The following VMP1 variants were observed in gnomAD, a reference collection of about 807,000 sequenced individuals.
VMP1 encodes ectopic P-granules autophagy protein 3 homolog.
A neutral mutation model predicts 56.0 loss-of-function variants in VMP1; 11 were observed. The observed-to-expected ratio is 0.20, with a 90% CI of 0.12 to 0.32. The LOEUF is 0.32. Among genes scored for constraint, VMP1 ranks in the 10% least tolerant of loss-of-function variants. VMP1 has a pLI of 1.00. For synonymous variants in VMP1, 149 were observed against 165.0 expected (o/e 0.90, Z 0.74); for missense variants, 296 against 490.3 (o/e 0.60, Z 3.74).
At chr17:59,789,835 C>CTTTTTTTTTTTTTTTTT (rs754631557) in intron 7 of VMP1, among the ~76,000 whole-genome samples, 1 of 85,964 alleles carries the variant, frequency 1.2e-5, no homozygotes, top group African/African-American at 4.8e-5. Flanking sequence ...CTTTCTTTCC[C>CTTTTTTTTTTTTTTTTT]TTTTTTTTTT....
intron 1 of VMP1, among the ~76,000 whole-genome samples, chr17:59,714,976 C>A (rs1438612594): frequency 6.6e-6 from 1 of 152,160 alleles, no homozygotes; most frequent in Non-Finnish European, 1.5e-5. Flanking sequence ...ACCGCTGTGC[C>A]TGGCCTATTT....
chr17:59,763,904 T>A (rs2036144246), intron 5 of VMP1, among the ~76,000 whole-genome samples: 1 of 152,200 alleles, frequency 6.6e-6, no homozygotes, highest in Non-Finnish European at 1.5e-5. Flanking sequence ...AAAGTATTTA[T>A]CTTCATAATA....
At chr17:59,739,221 T>C (rs796228613) in intron 5 of VMP1, among the ~76,000 whole-genome samples, 2 of 152,244 alleles carry the variant, frequency 1.3e-5, no homozygotes, top group African/African-American at 4.8e-5. Flanking sequence ...CTTTTCTTTC[T>C]AGATTTAATT....
rs556524746 is a variant in VMP1 at position 59,745,566 on chromosome 17, A to G, written c.414+6619A>G. Among the ~76,000 whole-genome samples, 36 of 152,332 alleles carry G rather than the reference A, an allele frequency of 2.4e-4. 2 individuals are homozygous for G. Among genetic ancestry groups the G allele is most frequent in the African/African-American group, 8.4e-4 (35 of 41,574 alleles). ...TTCTTGCTGATTAGTGATCAACAGA[A>G]TTTTATCCTTATTGGTCACCATTTC... On this transcript the variant is annotated intron_variant, in intron 5 of 11. Transcript: ENST00000262291.
At chr17:59,710,048 T>C (rs1035317140) in intron 1 of VMP1, among the ~76,000 whole-genome samples, 36 of 151,888 alleles carry the variant, frequency 2.4e-4, no homozygotes, top group Non-Finnish European at 3.7e-4. Context: ...ATACAAAAAA[T>C]TAGCCGGGCG....
Position 59,814,215 on chromosome 17 carries a change from G to A in VMP1, c.912+2429G>A, listed in dbSNP as rs191401291. Among the ~76,000 whole-genome samples, 216 of 152,318 alleles carry A rather than the reference G, an allele frequency of 1.4e-3. 1 individual carries two copies. Among genetic ancestry groups the A allele is most frequent in the African/African-American group, 5.1e-3 (214 of 41,568 alleles). ...GCTGGTCTCGAACTCCTGACCTCAT[G>A]ATCTGCCCGCCTTGGCCTCCCAAAG... is the stretch of plus-strand genomic sequence containing the variant. On this transcript the variant is annotated intron_variant, in intron 9 of 11. Transcript: ENST00000262291.
intron 7 of VMP1, among the ~76,000 whole-genome samples, chr17:59,778,540 CAAA>C (rs58638800): frequency 1.1e-4 from 13 of 119,592 alleles, no homozygotes; most frequent in Admixed American, 3.5e-4. Flanking sequence ...GACTCTGTCT[CAAA>C]AAAAAAAAAA....
intron 9 of VMP1, among the ~76,000 whole-genome samples, 155 bp from the exon 10 acceptor site, chr17:59,817,556 TG>T (rs1312926316): frequency 1.3e-5 from 2 of 151,892 alleles, no homozygotes; most frequent in Non-Finnish European, 2.9e-5. Flanking sequence ...TTCACCATGT[TG>T]GACAGGATGG....
At chr17:59,734,902 C>T (rs1367759867) in intron 2 of VMP1, among the ~76,000 whole-genome samples, 6 of 72,286 alleles carry the variant, frequency 8.3e-5, no homozygotes, top group Non-Finnish European at 1.2e-4. Context: ...GACTGGTTGC[C>T]TTTTTTTTTT....
In VMP1 at chr17:59,738,845, A is replaced by G. The variant is rs2035108105; in HGVS notation, c.312A>G (p.Gln104=). 6.2e-7 allele frequency: 1 copy of G among 1,611,312 alleles called. No homozygotes were observed. ...TCATCCCTTTTTTTCAGTATGTGCA[A>G]CGTATAGAGAAACAGTTTCTTTTGT... The part of the protein sequence containing the change: ...YVEGVHQQYV[Q]RIEKQFLLYA... Residue 104 remains glutamine, a synonymous_variant, in exon 5 of 12, where the codon CAA becomes CAG. Transcript: ENST00000262291.
intron 7 of VMP1, among the ~76,000 whole-genome samples, chr17:59,799,755 G>T (rs1010623475): frequency 1.3e-5 from 2 of 152,136 alleles, no homozygotes; most frequent in Non-Finnish European, 2.9e-5. Context: ...CTGAGGTCAG[G>T]AGTTTGAGAC....
At chr17:59,744,992 A>G (rs1462148309) in intron 5 of VMP1, among the ~76,000 whole-genome samples, 2 of 152,212 alleles carry the variant, frequency 1.3e-5, no homozygotes, top group African/African-American at 4.8e-5. Flanking sequence ...AAGCACTACT[A>G]ACAACAAAAA....
intron 7 of VMP1, among the ~76,000 whole-genome samples, chr17:59,780,824 G>T (rs542340721): frequency 6.6e-6 from 1 of 152,212 alleles, no homozygotes; most frequent in East Asian, 1.9e-4. Flanking sequence ...CTGACCTCAG[G>T]TGATCCACCC....
intron 5 of VMP1, among the ~76,000 whole-genome samples, chr17:59,750,568 C>T (rs558831838): frequency 2.6e-5 from 4 of 152,264 alleles, no homozygotes; most frequent in African/African-American, 7.2e-5. Context: ...TCCCAAAGTG[C>T]TGGGATTACA....
intron 5 of VMP1, among the ~76,000 whole-genome samples, chr17:59,761,076 G>A (rs1254617997): frequency 1.3e-5 from 2 of 150,434 alleles, no homozygotes; most frequent in African/African-American, 4.9e-5. Context: ...CTAATTTTTT[G>A]TATTTTTAGT....
intron 10 of VMP1, among the ~76,000 whole-genome samples, chr17:59,822,536 G>T (rs754626575): frequency 1.3e-5 from 2 of 151,366 alleles, no homozygotes; most frequent in Non-Finnish European, 3.0e-5. Context: ...ACCATGTCAC[G>T]CTGGTCTTGA....
At chr17:59,792,514 T>C (rs116064208) in intron 7 of VMP1, among the ~76,000 whole-genome samples, 82 of 152,260 alleles carry the variant, frequency 5.4e-4, no homozygotes, top group African/African-American at 1.9e-3. Flanking sequence ...ATTGTTATGT[T>C]TTATACATAG....
At chr17:59,711,281 CT>C (rs942078372) in intron 1 of VMP1, among the ~76,000 whole-genome samples, 5 of 150,550 alleles carry the variant, frequency 3.3e-5, no homozygotes, top group East Asian at 3.9e-4. Context: ...GTTGGGTACT[CT>C]TTTTTTTTGG....
At chr17:59,750,132 A>T (rs577208312) in intron 5 of VMP1, among the ~76,000 whole-genome samples, 1 of 152,242 alleles carries the variant, frequency 6.6e-6, no homozygotes, top group East Asian at 1.9e-4. Flanking sequence ...AAATGACCTA[A>T]TCTATATATA....
Sources: gnomAD v4.1 joint callset for allele counts (sites outside exome capture counted in the v4.1 genomes callset) on GRCh38, gnomAD v4.1.1 for gene constraint, MANE v1.5 for transcripts, NCBI Gene and HGNC (gene_info 2026-07-23, HGNC 2026-07-21) for gene names.